Variants in HSPA8 observed in about 807,000 individuals in gnomAD.
HSPA8 encodes heat shock protein family A (Hsp70) member 8.
Under a neutral mutation model 52.8 loss-of-function variants are expected in HSPA8, and 2 were observed. That is an observed-to-expected ratio of 0.04 (90% CI 0.02 to 0.12). The LOEUF is 0.12. Ranked by LOEUF, HSPA8 falls within the 10% of genes least tolerant of loss-of-function variation. The probability of loss-of-function intolerance (pLI) is 1.00; values close to 1 mark genes in which losing one functional copy is unlikely to be tolerated. For missense variants in HSPA8, 349 were observed against 800.5 expected (o/e 0.44, Z 6.81); for synonymous variants, 436 against 274.0 (o/e 1.59, Z -5.84).
chr11:123,062,052 C>G lies in HSPA8; in HGVS notation c.-6+12G>C, dbSNP rs1388633052. ...CCAGACCCACAACCCAACTCTTGAGCAGAGGTTTTACCTGGGGTGTAGGCC... is the reference window on the plus strand; with the variant it reads ...CCAGACCCACAACCCAACTCTTGAGGAGAGGTTTTACCTGGGGTGTAGGCC... On this transcript the variant is annotated intron_variant, in intron 1 of 8. Transcript: ENST00000534624. The G allele has an allele frequency of 6.6e-6, 1 of 152,558 alleles. No homozygotes were observed. The highest frequency in any genetic ancestry group is 2.4e-5 in the African/African-American group (1 of 41,326). The allele number at this position is 152,558 out of a possible 1,614,324, so 9.5% of individuals were successfully genotyped here.
At chr11:123,060,050 T>C in intron 4 of HSPA8, 22 bp from the exon 5 acceptor site, 1 of 1,614,124 alleles carries the variant, frequency 6.2e-7, no homozygotes, top group Non-Finnish European at 8.5e-7. Context: ...AACAATCTCA[T>C]TTAAATTTAC....
At chr11:123,061,373 A>AT (rs775485056) in intron 1 of HSPA8, 44 bp from the exon 2 acceptor site, 2 of 1,433,922 alleles carry the variant, frequency 1.4e-6, no homozygotes, top group Non-Finnish European at 1.9e-6. Flanking sequence ...ATTAATCAAA[A>AT]TATTTCCCTC....
rs1422888266 is a variant in HSPA8 at position 123,059,593 on chromosome 11, T to C, written c.1000A>G (p.Ile334Val). 13 of 1,613,996 alleles carry C rather than the reference T, an allele frequency of 8.1e-6. No individual in the cohort carries two copies. Among genetic ancestry groups the C allele is most frequent in the Non-Finnish European group, 1.0e-5 (12 of 1,179,994 alleles). ...CGAGTAGAACCACCAACCAGGACAA[T>C]ATCATGAATCTGTGACTTGTCTAGT... Reference protein sequence around the residue: ...AKLDKSQIHDIVLVGGSTRIP... With the variant: ...AKLDKSQIHDVVLVGGSTRIP... Residue 334 changes from isoleucine (I) to valine (V), a missense_variant, in exon 5 of 9, where the codon ATT becomes GTT. Ile to Val is a conservative substitution (Grantham distance 29, BLOSUM62 3). Transcript: ENST00000534624.
In HSPA8 at chr11:123,060,109, T is replaced by TAC; in HGVS notation, c.564+5_564+6dup. 2 of 1,614,054 alleles carry TAC rather than the reference T, an allele frequency of 1.2e-6. No individual in the cohort carries two copies. The highest frequency in any genetic ancestry group is 1.7e-6 in the Non-Finnish European group (2 of 1,179,980). On this transcript the variant is annotated splice_region_variant and intron_variant, in intron 4 of 8. Coordinates refer to ENST00000534624, the MANE Select transcript of HSPA8 (RefSeq NM_006597.6). The stretch of plus-strand genomic sequence containing the variant: ...TAATCCGAACTTGCATCACAAATGG[T>TAC]ACATACCTTTTTGTCTAAGCCGTAA...
At position 123,059,242 on chromosome 11, in the gene HSPA8, C is replaced by T. The variant is rs772121271; in HGVS notation, c.1140G>A (p.Leu380=). Residue 380 remains leucine, a synonymous_variant, in exon 6 of 9, where the codon TTG becomes TTA. Coordinates refer to ENST00000534624, the MANE Select transcript of HSPA8 (RefSeq NM_006597.6). Reference sequence around the variant, plus strand: ...GAACATTCTCAGACTTGTCTCCAGACAAGATGGCTGCCTGGACAGCTAGCA... The same window carrying T: ...GAACATTCTCAGACTTGTCTCCAGATAAGATGGCTGCCTGGACAGCTAGCA... ...AYGAAVQAAI[L]SGDKSENVQD... is the part of the protein sequence containing the mutation. 1.2e-6 allele frequency: 2 copies of T among 1,612,878 alleles called. No homozygotes were observed. The highest frequency in any genetic ancestry group is 4.5e-5 in the East Asian group (2 of 44,892).
At chr11:123,060,077 C>CT in intron 4 of HSPA8, 39 bp downstream of exon 4, 1 of 1,614,116 alleles carries the variant, frequency 6.2e-7, no homozygotes, top group Non-Finnish European at 8.5e-7. Flanking sequence ...TCAAATTAAT[C>CT]TTAAAATAAT....
intron 5 of HSPA8, 24 bp from the exon 6 acceptor site, chr11:123,059,285 A>T (rs767902896): frequency 6.3e-7 from 1 of 1,582,712 alleles, no homozygotes; most frequent in South Asian, 1.1e-5. Flanking sequence ...AGTTAACGTT[A>T]AAAGAAGTTA....
rs761220214 is a variant in HSPA8 at position 123,058,270 on chromosome 11, G to A, written c.1737C>T (p.Asn579=). The A allele has an allele frequency of 2.0e-6, 3 of 1,519,876 alleles. No homozygotes were observed. Among genetic ancestry groups the A allele is most frequent in the South Asian group, 1.1e-5 (1 of 88,906 alleles). The allele number at this position is 1,519,876 out of a possible 1,614,324, so 94.1% of individuals were successfully genotyped here. The stretch of plus-strand genomic sequence containing the variant: ...CACAAACCTGATTCTTATCAAGCCA[G>A]TTGATAATTTCATTACACTTGTCCA... ...KILDKCNEII[N]WLDKNQTAEK... is the part of the protein sequence containing the mutation. The change falls in exon 8 of 9, where the codon AAC becomes AAT. Residue 579 remains asparagine (N), a synonymous_variant. Transcript: ENST00000534624.
Position 123,059,266 on chromosome 11 carries a change from C to G in HSPA8, c.1121-5G>C, listed in dbSNP as rs1865416214. 4 of 1,610,110 alleles carry G rather than the reference C, an allele frequency of 2.5e-6. No individual in the cohort carries two copies. Among genetic ancestry groups the G allele is most frequent in the Admixed American group, 1.7e-5 (1 of 59,272 alleles). On this transcript the variant is annotated splice_polypyrimidine_tract_variant and splice_region_variant and intron_variant, in intron 5 of 8. Coordinates refer to ENST00000534624, the MANE Select transcript of HSPA8 (RefSeq NM_006597.6). ...ACAAGATGGCTGCCTGGACAGCTAG[C>G]AAACAAAAAGTTAACGTTAAAAGAA...
At chr11:123,060,356 A>G in intron 3 of HSPA8, 88 bp from the exon 4 acceptor site, 1 of 1,292,218 alleles carries the variant, frequency 7.7e-7, no homozygotes, top group East Asian at 2.3e-5. Flanking sequence ...TGGTGAAAGA[A>G]CAGCTGGAGC....
chr11:123,058,971 G>A (rs1865405121), intron 6 of HSPA8, 88 bp downstream of exon 6: 4 of 1,427,360 alleles, frequency 2.8e-6, no homozygotes, highest in Admixed American at 1.7e-5. Flanking sequence ...ACTACGAATG[G>A]TTTTGGAATC....
Position 123,059,275 on chromosome 11 carries a change from A to C in HSPA8, c.1121-14T>G. ...CTGCCTGGACAGCTAGCAAACAAAA[A>C]GTTAACGTTAAAAGAAGTTAAAAGA... On this transcript the variant is annotated splice_polypyrimidine_tract_variant and intron_variant, in intron 5 of 8. Coordinates refer to ENST00000534624, the MANE Select transcript of HSPA8 (RefSeq NM_006597.6). 1.9e-6 allele frequency: 3 copies of C among 1,606,666 alleles called. No individual in the cohort carries two copies. The highest frequency in any genetic ancestry group is 1.1e-5 in the South Asian group (1 of 90,666).
chr11:123,060,641 A>G lies in HSPA8; in HGVS notation c.363T>C (p.Ser121=), dbSNP rs1437916229. 1 of 1,613,868 alleles carries G rather than the reference A, an allele frequency of 6.2e-7. No homozygotes were observed. Among genetic ancestry groups the G allele is most frequent in the Non-Finnish European group, 8.5e-7 (1 of 1,179,848 alleles). ...TKSFYPEEVS[S]MVLTKMKEIA... is the part of the protein sequence containing the mutation. ...TTTCCTTCATCTTTGTCAGAACCATAGAAGACACCTCCTCTGGATAGAAGC... is the reference window on the plus strand; with the variant it reads ...TTTCCTTCATCTTTGTCAGAACCATGGAAGACACCTCCTCTGGATAGAAGC... Residue 121 remains serine, a synonymous_variant, in exon 3 of 9, where the codon TCT becomes TCC. Coordinates refer to ENST00000534624, the MANE Select transcript of HSPA8 (RefSeq NM_006597.6).
chr11:123,058,332 G>T lies in HSPA8; in HGVS notation c.1675C>A (p.Gln559Lys), dbSNP rs749093478. ...MKATVEDEKL[Q>K]GKINDEDKQK... Reference sequence around the variant, plus strand: ...TTGTCCTCATCGTTAATCTTGCCTTGAAGTTTCTCATCTTCAACAGTTGCT... The same window carrying T: ...TTGTCCTCATCGTTAATCTTGCCTTTAAGTTTCTCATCTTCAACAGTTGCT... Residue 559 changes from glutamine to lysine, a missense_variant, in exon 8 of 9, where the codon CAA (glutamine) becomes AAA (lysine). By Grantham distance (53) the Gln-to-Lys change is moderately conservative (BLOSUM62 1). Coordinates refer to ENST00000534624, the MANE Select transcript of HSPA8 (RefSeq NM_006597.6). The T allele has an allele frequency of 6.2e-7, 1 of 1,612,796 alleles. No homozygotes were observed. The highest frequency in any genetic ancestry group is 8.5e-7 in the Non-Finnish European group (1 of 1,179,672).
In HSPA8 at chr11:123,059,457, G is replaced by A. The variant is rs1174128880; in HGVS notation, c.1120+16C>T. 1.2e-6 allele frequency: 2 copies of A among 1,602,316 alleles called. No homozygotes were observed. The highest frequency in any genetic ancestry group is 1.7e-6 in the Non-Finnish European group (2 of 1,172,306). On this transcript the variant is annotated intron_variant, in intron 5 of 8. Transcript: ENST00000534624. ...GGCCTGCCTGCCTTTAGGGTTAATTGAGATACCATTGTTACCTGCACCATA... is the reference window on the plus strand; with the variant it reads ...GGCCTGCCTGCCTTTAGGGTTAATTAAGATACCATTGTTACCTGCACCATA...
Position 123,059,771 on chromosome 11 carries a change from G to A in HSPA8, c.822C>T (p.Leu274=), listed in dbSNP as rs779796438. 2 of 1,613,816 alleles carry A rather than the reference G, an allele frequency of 1.2e-6. No individual in the cohort carries two copies. Among genetic ancestry groups the A allele is most frequent in the Middle Eastern group, 1.6e-4 (1 of 6,078 alleles). The change falls in exon 5 of 9, where the codon CTC becomes CTT. Residue 274 remains leucine (L), a synonymous_variant. Coordinates refer to ENST00000534624, the MANE Select transcript of HSPA8 (RefSeq NM_006597.6). ...RTACERAKRT[L]SSSTQASIEI... Reference sequence around the variant, plus strand: ...CAATACTGGCCTGGGTGCTGGAAGAGAGGGTACGCTTAGCACGTTCACAAG... The same window carrying A: ...CAATACTGGCCTGGGTGCTGGAAGAAAGGGTACGCTTAGCACGTTCACAAG...
Position 123,058,239 on chromosome 11 carries a change from A to AAAC in HSPA8, c.1755+12_1755+13insGTT. ...TGAGTGGGGGAGGAAAAAAAAAAAA[A>AAAC]AAAAACACAAACCTGATTCTTATCA... is the stretch of plus-strand genomic sequence containing the variant. On this transcript the variant is annotated intron_variant, in intron 8 of 8. Coordinates refer to ENST00000534624, the MANE Select transcript of HSPA8 (RefSeq NM_006597.6). 1.3e-6 allele frequency: 2 copies of AAAC among 1,513,408 alleles called. No individual in the cohort carries two copies. Among genetic ancestry groups the AAAC allele is most frequent in the East Asian group, 4.5e-5 (2 of 44,360 alleles). 93.7% of individuals were successfully genotyped at this position (1,513,408 alleles called of 1,614,324 possible).
rs371118607 is a variant in HSPA8, at chr11:123,058,836, T to G, written c.1324-6A>C. ...GCACGCTCGCCTTCATAAACCTTGGTAGGAAATAAAACAAATTACTACAAT... is the reference window on the plus strand; with the variant it reads ...GCACGCTCGCCTTCATAAACCTTGGGAGGAAATAAAACAAATTACTACAAT... On this transcript the variant is annotated splice_polypyrimidine_tract_variant and splice_region_variant and intron_variant, in intron 6 of 8. Coordinates refer to ENST00000534624, the MANE Select transcript of HSPA8 (RefSeq NM_006597.6). 1 of 1,613,696 alleles carries G rather than the reference T, an allele frequency of 6.2e-7. No homozygotes were observed. The highest frequency in any genetic ancestry group is 1.3e-5 in the African/African-American group (1 of 74,898).
At chr11:123,060,308 A>C in intron 3 of HSPA8, 40 bp from the exon 4 acceptor site, 1 of 1,585,400 alleles carries the variant, frequency 6.3e-7, no homozygotes, top group Non-Finnish European at 8.6e-7. Flanking sequence ...TAACTATTAT[A>C]CTTACATATA....
Sources: allele counts gnomAD v4.1 joint callset, GRCh38; gene constraint gnomAD v4.1.1; transcripts MANE v1.5; gene names NCBI Gene and HGNC (gene_info 2026-07-23, HGNC 2026-07-21).